Variants in PRKCE observed in about 807,000 individuals in gnomAD.
PRKCE encodes the protein protein kinase C epsilon type.
Under a neutral mutation model 85.4 loss-of-function variants are expected in PRKCE, and 16 were observed. The observed-to-expected ratio is 0.19, with a 90% CI of 0.13 to 0.28. PRKCE has a LOEUF of 0.28. PRKCE is among the 10% of genes least tolerant of loss of function. The probability of loss-of-function intolerance (pLI) is 1.00; values close to 1 mark genes in which losing one functional copy is unlikely to be tolerated. For synonymous variants in PRKCE, 388 were observed against 371.5 expected (o/e 1.04, Z -0.51); for missense variants, 573 against 975.2 (o/e 0.59, Z 5.49).
chr2:45,694,754 T>C (rs1678007003), intron 1 of PRKCE, among the ~76,000 whole-genome samples: 1 of 152,136 alleles, frequency 6.6e-6, no homozygotes, highest in Non-Finnish European at 1.5e-5. Flanking sequence ...CTGGAAGCAA[T>C]GTGGTGTGTC....
chr2:46,145,132 T>C lies in PRKCE; in HGVS notation c.1632T>C (p.Gly544=), dbSNP rs746016903. 1 of 1,599,702 alleles carries C rather than the reference T, an allele frequency of 6.3e-7. No individual in the cohort carries two copies. The highest frequency in any genetic ancestry group is 1.1e-5 in the South Asian group (1 of 91,084). ...ACAACATCCTTCTGGATGCAGAAGG[T>C]CACTGCAAGCTGGCTGACTTCGGGA... is the stretch of plus-strand genomic sequence containing the variant. The part of the protein sequence containing the change: ...KLDNILLDAE[G]HCKLADFGMC... The change falls in exon 12 of 15, where the codon GGT becomes GGC. Residue 544 remains glycine, a synonymous_variant. Coordinates refer to ENST00000306156, the MANE Select transcript of PRKCE (RefSeq NM_005400.3). The surrounding 1 kb of genome is among the most constrained non-coding windows in gnomAD (Gnocchi z 4.6).
intron 1 of PRKCE, among the ~76,000 whole-genome samples, chr2:45,678,557 A>G (rs1372302583): frequency 6.6e-6 from 1 of 150,888 alleles, no homozygotes; most frequent in African/African-American, 2.4e-5. Context: ...ATTAAAACTA[A>G]TATCATGTGA....
chr2:45,669,357 G>C (rs1430096306), intron 1 of PRKCE, among the ~76,000 whole-genome samples: 1 of 152,202 alleles, frequency 6.6e-6, no homozygotes, highest in Non-Finnish European at 1.5e-5. Flanking sequence ...TTTTCGCCTG[G>C]AGAATGAATT....
In PRKCE at chr2:46,068,449, A is replaced by T. The variant is rs1442155008; in HGVS notation, c.1438-17759A>T. 6.6e-6 allele frequency among the ~76,000 whole-genome samples: 1 copy of T among 152,210 alleles called. No individual in the cohort carries two copies. Among genetic ancestry groups the T allele is most frequent in the Non-Finnish European group, 1.5e-5 (1 of 68,048 alleles). Reference sequence around the variant, plus strand: ...AATTGATATATCTAATTAATCAGTCATTATTTATTGGTGTACCATTAGGTG... The same window carrying T: ...AATTGATATATCTAATTAATCAGTCTTTATTTATTGGTGTACCATTAGGTG... On this transcript the variant is annotated intron_variant, in intron 10 of 14. Coordinates refer to ENST00000306156, the MANE Select transcript of PRKCE (RefSeq NM_005400.3). The surrounding 1 kb of genome is among the most constrained non-coding windows in gnomAD (Gnocchi z 4.3).
intron 1 of PRKCE, among the ~76,000 whole-genome samples, chr2:45,740,737 T>C (rs1340975266): frequency 6.6e-6 from 1 of 152,238 alleles, no homozygotes; most frequent in Admixed American, 6.5e-5. Flanking sequence ...GGTTATTCAC[T>C]TCGAACACTA....
At chr2:46,089,242 A>C (rs1191989451) in intron 11 of PRKCE, among the ~76,000 whole-genome samples, 1 of 152,168 alleles carries the variant, frequency 6.6e-6, no homozygotes, top group Non-Finnish European at 1.5e-5. Context: ...GGCTTCAGAC[A>C]ACTTCTACAT....
intron 6 of PRKCE, among the ~76,000 whole-genome samples, chr2:45,987,582 C>A (rs1477823564): frequency 6.6e-6 from 1 of 151,710 alleles, no homozygotes; most frequent in Non-Finnish European, 1.5e-5. Flanking sequence ...ATGTGCCCCC[C>A]AACACACATG....
intron 1 of PRKCE, among the ~76,000 whole-genome samples, chr2:45,787,015 G>A (rs963855080): frequency 6.6e-6 from 1 of 152,206 alleles, no homozygotes. Context: ...CCCTGGATCC[G>A]ATGATCCTAT....
intron 2 of PRKCE, among the ~76,000 whole-genome samples, chr2:45,876,091 T>A (rs1455639212): frequency 6.6e-6 from 1 of 152,224 alleles, no homozygotes; most frequent in East Asian, 1.9e-4. Flanking sequence ...TCTCATTTCT[T>A]TGGACATTAC....
At chr2:45,901,039 G>A (rs906156501) in intron 2 of PRKCE, among the ~76,000 whole-genome samples, 5 of 152,184 alleles carry the variant, frequency 3.3e-5, no homozygotes, top group East Asian at 1.9e-4. Context: ...AGATGCTTTC[G>A]CTGGGTTGGC....
In PRKCE at chr2:45,770,582, G is replaced by GC. The variant is rs577074079; in HGVS notation, c.349-72412dup. 2.0e-5 allele frequency among the ~76,000 whole-genome samples: 3 copies of GC among 152,082 alleles called. No individual in the cohort carries two copies. In the South Asian group the frequency reaches 6.2e-4, roughly 32 times the overall value. ...CCAGGCAGGGCACAGCCATGGTACC[G>GC]CCCCCCACAACCACAAAAACACCCT... On this transcript the variant is annotated intron_variant, in intron 1 of 14. Coordinates refer to ENST00000306156, the MANE Select transcript of PRKCE (RefSeq NM_005400.3).
chr2:46,071,390 C>G (rs1480476699), intron 10 of PRKCE, among the ~76,000 whole-genome samples: 3 of 152,184 alleles, frequency 2.0e-5, no homozygotes, highest in Non-Finnish European at 4.4e-5. Context: ...AAGGGGTAGG[C>G]AGCTACAATA....
chr2:45,939,929 C>G (rs938653019), intron 2 of PRKCE, among the ~76,000 whole-genome samples: 1 of 152,164 alleles, frequency 6.6e-6, no homozygotes, highest in African/African-American at 2.4e-5. Flanking sequence ...GTGGGTGTAA[C>G]CCAGCCCCTC....
At chr2:45,879,337 C>T (rs554224166) in intron 2 of PRKCE, among the ~76,000 whole-genome samples, 1 of 152,364 alleles carries the variant, frequency 6.6e-6, no homozygotes, top group Non-Finnish European at 1.5e-5. Context: ...CTGAGAGCCA[C>T]TTCCATTGGC....
chr2:45,958,610 T>C (rs1347114641), intron 2 of PRKCE, among the ~76,000 whole-genome samples: 1 of 149,900 alleles, frequency 6.7e-6, no homozygotes, highest in African/African-American at 2.4e-5. Flanking sequence ...TGTCCTGGCC[T>C]CTCACACACC....
intron 1 of PRKCE, among the ~76,000 whole-genome samples, chr2:45,807,943 G>T (rs959544458): frequency 6.6e-6 from 1 of 151,812 alleles, no homozygotes; most frequent in Non-Finnish European, 1.5e-5. Flanking sequence ...TTGAAAATTC[G>T]AAGGGTATTT....
At chr2:45,969,320 C>G (rs992074519) in intron 2 of PRKCE, among the ~76,000 whole-genome samples, 1 of 152,142 alleles carries the variant, frequency 6.6e-6, no homozygotes, top group Non-Finnish European at 1.5e-5. Context: ...TGCAGTGAGG[C>G]AGATGCAGGC....
At position 45,653,073 on chromosome 2, in the gene PRKCE, T is replaced by C. The variant is rs570990766; in HGVS notation, c.348+625T>C. On this transcript the variant is annotated intron_variant, in intron 1 of 14. Coordinates refer to ENST00000306156, the MANE Select transcript of PRKCE (RefSeq NM_005400.3). ...TTTTGTCCAATTCATTGCCCATCCA[T>C]GCAGAATGAATGTTGCATTTTAAGA... Among the ~76,000 whole-genome samples, 3 of 152,328 alleles carry C rather than the reference T, an allele frequency of 2.0e-5. No individual in the cohort carries two copies. In the East Asian group the frequency reaches 5.8e-4, roughly 29 times the overall value.
chr2:45,840,793 G>C (rs1691283728), intron 1 of PRKCE, among the ~76,000 whole-genome samples: 1 of 152,192 alleles, frequency 6.6e-6, no homozygotes, highest in African/African-American at 2.4e-5. Context: ...TTGTGTGTGG[G>C]GTGAGACGTT....
Sources: gnomAD v4.1 joint callset for allele counts (sites outside exome capture counted in the v4.1 genomes callset) on GRCh38, gnomAD v4.1.1 for gene constraint, Gnocchi (gnomAD v3.1) non-coding constraint, MANE v1.5 for transcripts, NCBI Gene and HGNC (gene_info 2026-07-23, HGNC 2026-07-21) for gene names.